The following CCDC192 variants were observed in gnomAD, a reference collection of about 807,000 sequenced individuals.
The protein encoded by CCDC192 is coiled-coil domain-containing protein 192.
At chr5:127,740,265 A>G (rs1753334920) in intron 2 of CCDC192, 4 of 152,194 alleles carry the variant, frequency 2.6e-5, no homozygotes, top group Admixed American at 2.6e-4. Context: ...TATTTTTGCC[A>G]TGCCTCTTAG....
In CCDC192 at chr5:127,912,292, A is replaced by G. The variant is rs575131195; in HGVS notation, c.536-28890A>G. ...CAAGCAAGGAAACGCTACTGACAGT[A>G]TATTCAGGCTATTTTTCCAGTAGCC... is the stretch of plus-strand genomic sequence containing the variant. On this transcript the variant is annotated intron_variant, in intron 6 of 6. Transcript: ENST00000514853. Among the ~76,000 whole-genome samples, 328 of 152,088 alleles carry G rather than the reference A, an allele frequency of 2.2e-3. 2 individuals carry two copies. The highest frequency in any genetic ancestry group is 7.5e-3 in the African/African-American group (312 of 41,480).
intron 3 of CCDC192, 132 bp from the exon 4 acceptor site, chr5:127,796,971 G>C (rs1164511469): frequency 1.1e-5 from 4 of 373,198 alleles, no homozygotes; most frequent in Non-Finnish European, 1.9e-5. Context: ...TCATCTATGA[G>C]GAATGCTCCA....
intron 3 of CCDC192, among the ~76,000 whole-genome samples, chr5:127,771,630 G>A (rs1463151400): frequency 3.3e-5 from 5 of 152,206 alleles, no homozygotes; most frequent in Non-Finnish European, 7.4e-5. Flanking sequence ...AGGTAGGCGT[G>A]ATAGGAGTCA....
chr5:127,834,243 T>G (rs1353203493), intron 5 of CCDC192, among the ~76,000 whole-genome samples: 1 of 152,164 alleles, frequency 6.6e-6, no homozygotes, highest in Non-Finnish European at 1.5e-5. Flanking sequence ...ATATTAACCT[T>G]CCCACAATTT....
At chr5:127,890,113 C>A (rs1163829019) in intron 6 of CCDC192, among the ~76,000 whole-genome samples, 1 of 152,190 alleles carries the variant, frequency 6.6e-6, no homozygotes, top group Non-Finnish European at 1.5e-5. Flanking sequence ...GTGGCTCACA[C>A]TTGTAATCCC....
chr5:127,846,792 A>G lies in CCDC192; in HGVS notation c.412-28746A>G, dbSNP rs532688863. Among the ~76,000 whole-genome samples the G allele has an allele frequency of 1.8e-3, 252 of 139,554 alleles. 1 individual carries two copies. Among genetic ancestry groups the G allele is most frequent in the African/African-American group, 6.1e-3 (233 of 38,472 alleles). 91.6% of individuals were successfully genotyped at this position (139,554 alleles called of 152,430 possible). ...GCCATAGTGCCTATTTTAATTAAAG[A>G]TGTTTCCATTCACCTAGTCAATAAA... On this transcript the variant is annotated intron_variant, in intron 5 of 6. Coordinates refer to ENST00000514853, the MANE Select transcript of CCDC192 (RefSeq NM_001317938.2).
In CCDC192 at chr5:127,754,386, T is replaced by A. The variant is rs181868343; in HGVS notation, c.222+11T>A. 5.0e-6 allele frequency: 2 copies of A among 398,608 alleles called. No homozygotes were observed. The highest frequency in any genetic ancestry group is 7.1e-5 in the East Asian group (2 of 28,056). 24.7% of individuals were successfully genotyped at this position (398,608 alleles called of 1,614,324 possible). A position where few individuals can be genotyped will look rare whatever the true frequency, so the allele number is the denominator to read the frequency against. ...GCTTTATCTGAACAGGTAACACCTGTCATGGGAACTGGAAACAAATGTTCC... is the reference window on the plus strand; with the variant it reads ...GCTTTATCTGAACAGGTAACACCTGACATGGGAACTGGAAACAAATGTTCC... On this transcript the variant is annotated intron_variant, in intron 3 of 6. Transcript: ENST00000514853.
At chr5:127,904,496 T>A (rs1286336951) in intron 6 of CCDC192, among the ~76,000 whole-genome samples, 2 of 74,240 alleles carry the variant, frequency 2.7e-5, no homozygotes, top group Non-Finnish European at 2.4e-5. Flanking sequence ...TGGCAGAGAC[T>A]TTTTTTTTTT....
intron 3 of CCDC192, among the ~76,000 whole-genome samples, chr5:127,777,903 T>A (rs557809849): frequency 8.7e-4 from 132 of 152,270 alleles, no homozygotes; most frequent in African/African-American, 3.1e-3. Context: ...CCTCCTTTTT[T>A]TTTTTTTACA....
At chr5:127,847,305 C>T (rs1750597525) in intron 5 of CCDC192, among the ~76,000 whole-genome samples, 3 of 152,178 alleles carry the variant, frequency 2.0e-5, no homozygotes, top group Non-Finnish European at 2.9e-5. Context: ...ATTTTTCCTC[C>T]ATTATTAACT....
chr5:127,923,402 G>C (rs1753779237), intron 6 of CCDC192, among the ~76,000 whole-genome samples: 1 of 148,106 alleles, frequency 6.8e-6, no homozygotes, highest in African/African-American at 2.5e-5. Flanking sequence ...TCTTGAGACA[G>C]AGTCTCACTC....
At chr5:127,734,290 T>G (rs1395185770) in intron 2 of CCDC192, among the ~76,000 whole-genome samples, 5 of 152,218 alleles carry the variant, frequency 3.3e-5, no homozygotes, top group Middle Eastern at 3.4e-3. Context: ...TATTCCATGG[T>G]GTATATCTGC....
At chr5:127,780,295 TACA>T (rs963807787) in intron 3 of CCDC192, among the ~76,000 whole-genome samples, 4 of 152,192 alleles carry the variant, frequency 2.6e-5, no homozygotes, top group Non-Finnish European at 5.9e-5. Flanking sequence ...ATCTTTTTCG[TACA>T]ACGACTTATT....
At chr5:127,743,857 G>A (rs1003730077) in intron 2 of CCDC192, among the ~76,000 whole-genome samples, 1 of 152,078 alleles carries the variant, frequency 6.6e-6, no homozygotes, top group African/African-American at 2.4e-5. Flanking sequence ...TTGGGAAGCC[G>A]AGGCGGGTGG....
chr5:127,882,017 C>A (rs1580790831), intron 6 of CCDC192, among the ~76,000 whole-genome samples: 1 of 152,188 alleles, frequency 6.6e-6, no homozygotes, highest in Non-Finnish European at 1.5e-5. Context: ...CCTACACATG[C>A]ATGTCCCCAT....
chr5:127,893,072 C>G (rs1178481655), intron 6 of CCDC192, among the ~76,000 whole-genome samples: 1 of 152,084 alleles, frequency 6.6e-6, no homozygotes, highest in African/African-American at 2.4e-5. Flanking sequence ...GCAGAAAGCC[C>G]TAAAATATCA....
At chr5:127,786,850 C>G (rs1225807402) in intron 3 of CCDC192, 1 of 508,942 alleles carries the variant, frequency 2.0e-6, no homozygotes, top group African/African-American at 1.9e-5. Flanking sequence ...GAAACTCTGG[C>G]TCCTCATGCT....
chr5:127,817,413 G>T (rs546143820), intron 5 of CCDC192, among the ~76,000 whole-genome samples: 98 of 152,166 alleles, frequency 6.4e-4, no homozygotes, highest in African/African-American at 2.3e-3. Flanking sequence ...ATTGATGAAT[G>T]GATAAACAAA....
chr5:127,806,805 T>C (rs940699330), intron 5 of CCDC192, among the ~76,000 whole-genome samples: 4 of 152,166 alleles, frequency 2.6e-5, no homozygotes, highest in African/African-American at 7.2e-5. Context: ...AGAAATCATA[T>C]TTTTATTGTT....
Sources: gnomAD v4.1 joint callset for allele counts (sites outside exome capture counted in the v4.1 genomes callset) on GRCh38, gnomAD v4.1.1 for gene constraint, MANE v1.5 for transcripts, NCBI Gene and HGNC (gene_info 2026-07-23, HGNC 2026-07-21) for gene names.